GRIK3: variants seen among roughly 807,000 people sequenced by gnomAD.
The protein encoded by GRIK3 is glutamate ionotropic receptor kainate type subunit 3.
Under a neutral mutation model 102.5 loss-of-function variants are expected in GRIK3, and 29 were observed. The observed-to-expected ratio is 0.28, with a 90% confidence interval of 0.21 to 0.39. The LOEUF is 0.39. Among genes scored for constraint, GRIK3 ranks in the 10% least tolerant of loss-of-function variants. The probability of loss-of-function intolerance (pLI) is 1.00; values close to 1 mark genes in which losing one functional copy is unlikely to be tolerated. For missense variants in GRIK3, 908 were observed against 1,252.4 expected, an observed-to-expected ratio of 0.73 and a Z score of 4.15; for synonymous variants, 511 against 504.9, an observed-to-expected ratio of 1.01 and a Z score of -0.16.
intron 1 of GRIK3, among the ~76,000 whole-genome samples, chr1:36,980,280 C>T (rs963512700): frequency 6.6e-6 from 1 of 152,068 alleles, no homozygotes. Flanking sequence ...TACAGAGCGC[C>T]GTGTGATCCA....
chr1:36,949,331 C>T (rs965193437), intron 1 of GRIK3, among the ~76,000 whole-genome samples: 4 of 152,130 alleles, frequency 2.6e-5, no homozygotes, highest in Non-Finnish European at 5.9e-5. Flanking sequence ...ACTGAAGCTA[C>T]TAGAGGGCCC....
intron 1 of GRIK3, among the ~76,000 whole-genome samples, chr1:36,957,683 T>C (rs1641937117): frequency 6.8e-6 from 1 of 146,284 alleles, no homozygotes; most frequent in African/African-American, 2.5e-5. Flanking sequence ...CCCGTGACTC[T>C]GTGCCCCATG....
At chr1:36,981,555 G>A (rs1642247726) in intron 1 of GRIK3, among the ~76,000 whole-genome samples, 1 of 152,168 alleles carries the variant, frequency 6.6e-6, no homozygotes, top group South Asian at 2.1e-4. Context: ...GAGTCCTGGA[G>A]AGAAGAATTT....
chr1:36,936,965 T>A (rs992649692), intron 1 of GRIK3, among the ~76,000 whole-genome samples: 1 of 152,094 alleles, frequency 6.6e-6, no homozygotes, highest in African/African-American at 2.4e-5. Flanking sequence ...GGGGGTAGGA[T>A]CCCCGCCACC....
intron 10 of GRIK3, among the ~76,000 whole-genome samples, chr1:36,840,551 CAAAAA>C (rs11442581): frequency 1.4e-5 from 1 of 73,322 alleles, no homozygotes; most frequent in Non-Finnish European, 2.5e-5. Flanking sequence ...TGCTCTCCAC[CAAAAA>C]AAAAAAAAAA....
intron 1 of GRIK3, among the ~76,000 whole-genome samples, chr1:36,963,121 C>A (rs1473147129): frequency 1.3e-5 from 2 of 152,180 alleles, no homozygotes; most frequent in East Asian, 3.9e-4. Flanking sequence ...AGGCAGGGAG[C>A]CCAGGGGAGG....
intron 9 of GRIK3, among the ~76,000 whole-genome samples, chr1:36,844,471 A>C (rs1210000094): frequency 6.6e-6 from 1 of 152,230 alleles, no homozygotes; most frequent in African/African-American, 2.4e-5. Context: ...GGGCCTGGCG[A>C]GCAGGGTCTT....
chr1:36,884,387 C>T (rs1452307454), intron 2 of GRIK3, among the ~76,000 whole-genome samples: 2 of 152,192 alleles, frequency 1.3e-5, no homozygotes, highest in Non-Finnish European at 2.9e-5. Flanking sequence ...AGGCCATGCT[C>T]GGACCTGCAC....
At chr1:36,863,196 C>G (rs565442351) in intron 5 of GRIK3, among the ~76,000 whole-genome samples, 9 of 152,256 alleles carry the variant, frequency 5.9e-5, no homozygotes, top group Admixed American at 5.9e-4. Flanking sequence ...AGAGTCAACA[C>G]CAGGCTACCC....
chr1:36,922,626 A>G (rs1423671921), intron 1 of GRIK3, among the ~76,000 whole-genome samples: 1 of 152,200 alleles, frequency 6.6e-6, no homozygotes, highest in Non-Finnish European at 1.5e-5. Flanking sequence ...CCATGCGCTT[A>G]TTTATCAAGG....
intron 1 of GRIK3, among the ~76,000 whole-genome samples, chr1:37,003,298 T>A (rs1351098551): frequency 2.0e-5 from 3 of 152,218 alleles, no homozygotes; most frequent in Non-Finnish European, 4.4e-5. Flanking sequence ...TTAAATCATT[T>A]TTGTGAAATG....
chr1:36,899,688 G>C (rs942907114), intron 1 of GRIK3, among the ~76,000 whole-genome samples: 2 of 152,164 alleles, frequency 1.3e-5, no homozygotes, highest in African/African-American at 4.8e-5. Flanking sequence ...CAAATTTTAT[G>C]TTATTTGTAT....
chr1:36,833,435 C>A (rs1366853726), intron 10 of GRIK3, among the ~76,000 whole-genome samples: 1 of 152,238 alleles, frequency 6.6e-6, no homozygotes. Flanking sequence ...CTCCACAGAG[C>A]TCTCCAGTCA....
chr1:36,997,716 C>A lies in GRIK3; in HGVS notation c.115+36278G>T, dbSNP rs535112523. 5.9e-5 allele frequency among the ~76,000 whole-genome samples: 9 copies of A among 152,252 alleles called. No individual in the cohort carries two copies. The East Asian group carries it at 1.7e-3, about 30-fold the overall frequency. On this transcript the variant is annotated intron_variant, in intron 1 of 15. Coordinates refer to ENST00000373091, the MANE Select transcript of GRIK3 (RefSeq NM_000831.4). ...TGAGGAGTGCCGTGGTGGTCAGGCC[C>A]AGTCTGAGTCCTAAGAGGGACCAGG... is the stretch of plus-strand genomic sequence containing the variant.
intron 1 of GRIK3, among the ~76,000 whole-genome samples, chr1:36,986,456 A>ATCCATCCT (rs1553125913): frequency 2.7e-4 from 39 of 146,342 alleles, no homozygotes; most frequent in African/African-American, 9.2e-4. Flanking sequence ...CCATCCATCC[A>ATCCATCCT]TCCATCAGCC....
intron 12 of GRIK3, among the ~76,000 whole-genome samples, chr1:36,818,329 A>T (rs1385384564): frequency 6.6e-6 from 1 of 152,216 alleles, no homozygotes; most frequent in East Asian, 1.9e-4. Context: ...ACAAAAAAAC[A>T]AGGTGAGGCT....
chr1:36,917,123 C>G (rs751307859), intron 1 of GRIK3, among the ~76,000 whole-genome samples: 5 of 152,228 alleles, frequency 3.3e-5, no homozygotes, highest in Non-Finnish European at 5.9e-5. Context: ...CAAAGGAGAT[C>G]ATTTTGGAGC....
At chr1:37,028,706 C>T (rs1444197400) in intron 1 of GRIK3, among the ~76,000 whole-genome samples, 2 of 152,200 alleles carry the variant, frequency 1.3e-5, no homozygotes, top group South Asian at 2.1e-4. Flanking sequence ...CCAGATGGCA[C>T]AGCCAGCTAA....
chr1:36,859,418 A>C (rs1640693750), intron 6 of GRIK3, among the ~76,000 whole-genome samples, 167 bp from the exon 7 acceptor site: 1 of 152,112 alleles, frequency 6.6e-6, no homozygotes, highest in Admixed American at 6.5e-5. Flanking sequence ...AGGAGTGGCC[A>C]GGCTTGGCTG....
Sources: gnomAD v4.1 joint callset for allele counts (sites outside exome capture counted in the v4.1 genomes callset) on GRCh38, gnomAD v4.1.1 for gene constraint, MANE v1.5 for transcripts, NCBI Gene and HGNC (gene_info 2026-07-23, HGNC 2026-07-21) for gene names.